Variants in TMC6 observed in about 807,000 individuals in gnomAD.
TMC6 encodes transmembrane channel like 6.
In TMC6, 71 loss-of-function variants were observed where a neutral mutation model predicts 95.4. The observed-to-expected ratio is 0.74, with a 90% CI of 0.61 to 0.91. TMC6 has a LOEUF of 0.91. Among genes scored for constraint, TMC6 ranks in the 40% least tolerant of loss-of-function variants. The probability of loss-of-function intolerance (pLI) is 0.00; values close to 1 mark genes in which losing one functional copy is unlikely to be tolerated. For synonymous variants in TMC6, 514 were observed against 483.1 expected, an observed-to-expected ratio of 1.06 and a Z score of -0.84; for missense variants, 1,074 against 1,079.1, an observed-to-expected ratio of 1.00 and a Z score of 0.07.
chr17:78,124,171 G>A lies in TMC6; in HGVS notation c.900C>T (p.Phe300=). ...GGCCGTAGTACATGACGGTGTGGGTGAAGCAACCCTGCCACAGGGAGATCC... is the reference window on the plus strand; with the variant it reads ...GGCCGTAGTACATGACGGTGTGGGTAAAGCAACCCTGCCACAGGGAGATCC... ...GLELLTGAGC[F]THTVMYYGHY... The change falls in exon 9 of 20, where the codon TTC becomes TTT. Residue 300 remains phenylalanine, a synonymous_variant. Transcript: ENST00000590602. The A allele has an allele frequency of 2.5e-6, 4 of 1,611,462 alleles. No homozygotes were observed. Among genetic ancestry groups the A allele is most frequent in the Non-Finnish European group, 3.4e-6 (4 of 1,179,698 alleles).
chr17:78,117,395 G>T, intron 17 of TMC6, 48 bp from the exon 18 acceptor site: 1 of 1,612,330 alleles, frequency 6.2e-7, no homozygotes, highest in South Asian at 1.1e-5. Flanking sequence ...CAGCCCGGGA[G>T]CGGCCAGTCC....
In TMC6 at chr17:78,122,950, C is replaced by A; in HGVS notation, c.1083-201G>T. On this transcript the variant is annotated intron_variant, in intron 9 of 19. Transcript: ENST00000590602. This position sits in a 1 kb window ranked among gnomAD's most constrained non-coding sequence, Gnocchi z 4.9. ...CTCATCCAACATAGCACCCACCAGC[C>A]ACATCTGCCTAGAAGAGGGGGCAGG... 1 of 705,250 alleles carries A rather than the reference C, an allele frequency of 1.4e-6. No homozygotes were observed. Among genetic ancestry groups the A allele is most frequent in the Non-Finnish European group, 2.4e-6 (1 of 413,676 alleles). The allele number at this position is 705,250 out of a possible 1,614,324, so 43.7% of individuals were successfully genotyped here.
rs2073730806 is a variant in TMC6 at position 78,107,900 on chromosome 17, TG to T, written c.*5247del. 1 of 152,276 alleles carries T rather than the reference TG, an allele frequency of 6.6e-6. No homozygotes were observed. Among genetic ancestry groups the T allele is most frequent in the South Asian group, 2.1e-4 (1 of 4,836 alleles). The allele number at this position is 152,276 out of a possible 1,614,324, so 9.4% of individuals were successfully genotyped here. On this transcript the variant is annotated 3_prime_UTR_variant, in exon 20 of 20. Transcript: ENST00000590602. ...TTTTTTGTGTTTCCTAGACATTTTATGCATCTATTTTTGTAAAATCACCTTC... is the reference window on the plus strand; with the variant it reads ...TTTTTTGTGTTTCCTAGACATTTTATCATCTATTTTTGTAAAATCACCTTC...
intron 5 of TMC6, 61 bp from the exon 6 acceptor site, chr17:78,125,324 C>T (rs1223182307): frequency 1.2e-5 from 17 of 1,461,758 alleles, no homozygotes; most frequent in African/African-American, 2.8e-5. Context: ...AGCCCGAAGC[C>T]GGGACCCTGG....
chr17:78,109,469 A>G lies in TMC6; in HGVS notation c.*3679T>C. On this transcript the variant is annotated 3_prime_UTR_variant, in exon 20 of 20. Transcript: ENST00000590602. ...GGTGCAGGACTGGCCCCTGAACAGCACAAGTGTAGTATGCCTGGGCCCCAG... is the reference window on the plus strand; with the variant it reads ...GGTGCAGGACTGGCCCCTGAACAGCGCAAGTGTAGTATGCCTGGGCCCCAG... 2.2e-6 allele frequency: 1 copy of G among 456,706 alleles called. No homozygotes were observed. The highest frequency in any genetic ancestry group is 4.4e-6 in the Non-Finnish European group (1 of 226,992). 28.3% of individuals were successfully genotyped at this position (456,706 alleles called of 1,614,324 possible). A position where few individuals can be genotyped will look rare whatever the true frequency, so the allele number is the denominator to read the frequency against.
intron 18 of TMC6, among the ~76,000 whole-genome samples, chr17:78,115,975 C>T (rs958755722): frequency 1.1e-4 from 16 of 151,954 alleles, no homozygotes; most frequent in Admixed American, 9.8e-4. Context: ...GCTGCCTCTC[C>T]GGTATGGGGT....
chr17:78,126,715 G>A, intron 2 of TMC6, 62 bp downstream of exon 2: 1 of 1,611,860 alleles, frequency 6.2e-7, no homozygotes, highest in Non-Finnish European at 8.5e-7. Context: ...CCCCTGCTCA[G>A]GTGACCTCTC....
chr17:78,115,681 G>GCGAAGGGAGTGGGCACAGGA (rs1360471906), intron 18 of TMC6, among the ~76,000 whole-genome samples: 5 of 83,336 alleles, frequency 6.0e-5, no homozygotes, highest in East Asian at 3.7e-4. Flanking sequence ...TGGGCACAGG[G>GCGAAGGGAGTGGGCACAGGA]GCGAAGGGAG....
At position 78,120,798 on chromosome 17, in the gene TMC6, G is replaced by A; in HGVS notation, c.1570C>T (p.Leu524=). 1 of 1,613,498 alleles carries A rather than the reference G, an allele frequency of 6.2e-7. No individual in the cohort carries two copies. The highest frequency in any genetic ancestry group is 8.5e-7 in the Non-Finnish European group (1 of 1,179,830). Residue 524 remains leucine, a synonymous_variant, in exon 13 of 20, where the codon CTG becomes TTG. Transcript: ENST00000590602. ...CTGCGGCCCAGCCAGTGGTAGCACA[G>A]TGTCCCCAGGATGGCCAGCTTGAGG... is the stretch of plus-strand genomic sequence containing the variant. ...LILKLAILGT[L]CYHWLGRRVG... is the part of the protein sequence containing the mutation.
At chr17:78,127,356 G>A (rs1568005169) in intron 1 of TMC6, among the ~76,000 whole-genome samples, 2 of 152,152 alleles carry the variant, frequency 1.3e-5, no homozygotes, top group Non-Finnish European at 2.9e-5. Context: ...GAAATTAGCT[G>A]CTGGAGCCCT....
At position 78,120,755 on chromosome 17, in the gene TMC6, C is replaced by A; in HGVS notation, c.1613G>T (p.Gly538Val). 6.2e-7 allele frequency: 1 copy of A among 1,613,576 alleles called. No homozygotes were observed. The highest frequency in any genetic ancestry group is 8.5e-7 in the Non-Finnish European group (1 of 1,179,942). ...GCCCACAAAATCCTCCCAGCACTGG[C>A]CCTGCAGGACGCCCACCCTGCGGCC... ...WLGRRVGVLQGQCWEDFVGQE... is the reference protein window; with the variant it reads ...WLGRRVGVLQVQCWEDFVGQE... The change falls in exon 13 of 20, where the codon GGC becomes GTC. Residue 538 changes from glycine to valine, a missense_variant. Physicochemically the swap from Gly to Val is moderately radical, Grantham distance 109. Coordinates refer to ENST00000590602, the MANE Select transcript of TMC6 (RefSeq NM_001127198.5).
chr17:78,115,974 C>T (rs2074086220), intron 18 of TMC6, among the ~76,000 whole-genome samples: 1 of 151,862 alleles, frequency 6.6e-6, no homozygotes, highest in Non-Finnish European at 1.5e-5. Context: ...GGCTGCCTCT[C>T]CGGTATGGGG....
At chr17:78,114,843 A>G (rs1268175453) in intron 18 of TMC6, among the ~76,000 whole-genome samples, 1 of 152,198 alleles carries the variant, frequency 6.6e-6, no homozygotes, top group Non-Finnish European at 1.5e-5. Context: ...AAGACGGGTC[A>G]GAGCTCGGCC....
intron 5 of TMC6, 149 bp from the exon 6 acceptor site, chr17:78,125,412 T>A: frequency 1.2e-6 from 1 of 817,262 alleles, no homozygotes; most frequent in Non-Finnish European, 2.0e-6. Context: ...CAATCAGCCG[T>A]GTGTTTGCTT....
At chr17:78,131,823 T>C (rs912802407), upstream of TMC6, 239 of 1,499,220 alleles carry the variant, frequency 1.6e-4, no homozygotes, top group Middle Eastern at 7.7e-4. Flanking sequence ...CCCCGTCTGC[T>C]TGGCCCGGGT....
chr17:78,109,670 G>T lies in TMC6; in HGVS notation c.*3478C>A. On this transcript the variant is annotated 3_prime_UTR_variant, in exon 20 of 20. Transcript: ENST00000590602. Reference sequence around the variant, plus strand: ...ATTTCCGAAGCCCCCCAAGCCCACGGGCGTGAGTGCATGCATGCGTTTGTG... The same window carrying T: ...ATTTCCGAAGCCCCCCAAGCCCACGTGCGTGAGTGCATGCATGCGTTTGTG... The T allele has an allele frequency of 2.4e-6, 1 of 417,688 alleles. No individual in the cohort carries two copies. Among genetic ancestry groups the T allele is most frequent in the Non-Finnish European group, 4.9e-6 (1 of 206,162 alleles). The allele number at this position is 417,688 out of a possible 1,614,324, so 25.9% of individuals were successfully genotyped here.
rs772083222 is a variant in TMC6, at chr17:78,120,676, C to T, written c.1692G>A (p.Thr564=). 6.2e-6 allele frequency: 10 copies of T among 1,614,044 alleles called. No individual in the cohort carries two copies. Among genetic ancestry groups the T allele is most frequent in the Non-Finnish European group, 8.5e-6 (10 of 1,180,034 alleles). ...ACCTCCACACCAGTTCCCCAAAAAG[C>T]GTGTCCAGCAACATGAGGACGAAGT... ...VMDFVLMLLD[T]LFGELVWRII... The change falls in exon 13 of 20, where the codon ACG becomes ACA. Residue 564 remains threonine, a synonymous_variant. Transcript: ENST00000590602.
rs1233736777 is a variant in TMC6 at position 78,124,079 on chromosome 17, C to G, written c.992G>C (p.Arg331Thr). ...SPLDGSQCTP[R>T]VGGLPYNMPL... Reference sequence around the variant, plus strand: ...CATGTTGTAGGGCAGGCCACCCACCCTGGGTGTGCACTGGCTGCCATCCAG... The same window carrying G: ...CATGTTGTAGGGCAGGCCACCCACCGTGGGTGTGCACTGGCTGCCATCCAG... The change falls in exon 9 of 20, where the codon AGG becomes ACG. Residue 331 changes from arginine (R) to threonine (T), a missense_variant. Arg to Thr is a moderately conservative substitution (Grantham distance 71). Coordinates refer to ENST00000590602, the MANE Select transcript of TMC6 (RefSeq NM_001127198.5). The G allele has an allele frequency of 1.9e-6, 3 of 1,613,436 alleles. No homozygotes were observed. Among genetic ancestry groups the G allele is most frequent in the East Asian group, 2.2e-5 (1 of 44,886 alleles).
At position 78,114,037 on chromosome 17, in the gene TMC6, A is replaced by G. The variant is rs951726892; in HGVS notation, c.2278-413T>C. ...CTGCTGTCGTAACGAACTGTCATCA[A>G]CTTCGTGGCTTAAAACACCACCGGT... is the stretch of plus-strand genomic sequence containing the variant. On this transcript the variant is annotated intron_variant, in intron 18 of 19. Coordinates refer to ENST00000590602, the MANE Select transcript of TMC6 (RefSeq NM_001127198.5). The G allele has an allele frequency of 4.4e-5, 14 of 317,108 alleles. No homozygotes were observed. In the Admixed American group the frequency reaches 5.0e-4, roughly 11 times the overall value. The allele number at this position is 317,108 out of a possible 1,614,324, so 19.6% of individuals were successfully genotyped here.
Sources: allele counts gnomAD v4.1 joint callset (sites outside exome capture counted in the v4.1 genomes callset), GRCh38; gene constraint gnomAD v4.1.1; non-coding constraint Gnocchi (gnomAD v3.1); transcripts MANE v1.5; gene names NCBI Gene and HGNC (gene_info 2026-07-23, HGNC 2026-07-21).